Variants in EGFL7 observed in about 807,000 individuals in gnomAD.
The protein encoded by EGFL7 is epidermal growth factor-like protein 7.
In EGFL7, 48 loss-of-function variants were observed where a neutral mutation model predicts 37.1. That is an observed-to-expected ratio of 1.29 (90% CI 1.03 to 1.65). EGFL7 has a LOEUF of 1.65. EGFL7 is among the 40% of genes most tolerant of loss of function. The probability of loss-of-function intolerance (pLI) is 0.00; values close to 1 mark genes in which losing one functional copy is unlikely to be tolerated. For missense variants in EGFL7, 384 were observed against 378.9 expected (o/e 1.01, Z -0.11); for synonymous variants, 180 against 156.8 (o/e 1.15, Z -1.10).
upstream of EGFL7, among the ~76,000 whole-genome samples, chr9:136,661,409 G>T (rs898675023): frequency 6.6e-6 from 1 of 152,158 alleles, no homozygotes; most frequent in Non-Finnish European, 1.5e-5. Context: ...GTAAGGGCCA[G>T]ATCCCAGGGT....
Position 136,669,539 on chromosome 9 carries a change from C to T in EGFL7, c.198-67C>T, listed in dbSNP as rs1457420093. On this transcript the variant is annotated intron_variant, in intron 5 of 10. Coordinates refer to ENST00000308874, the MANE Select transcript of EGFL7 (RefSeq NM_016215.5). ...ACCCTGTGCACTCTGAGAGGGGACT[C>T]TAGATGCCCAGCAGGTGACTAAGGG... 9.8e-6 allele frequency: 12 copies of T among 1,218,836 alleles called. No homozygotes were observed. The African/African-American group carries it at 1.3e-4, about 14-fold the overall frequency. The allele number at this position is 1,218,836 out of a possible 1,614,324, so 75.5% of individuals were successfully genotyped here. A position where few individuals can be genotyped will look rare whatever the true frequency, so the allele number is the denominator to read the frequency against.
Position 136,668,572 on chromosome 9 carries a change from T to C in EGFL7, c.96T>C (p.Ala32=), listed in dbSNP as rs766407929. ...HAYRPGRRVC[A]VRAHGDPVSE... ...ACCCCCGCAGCCGTAGGGTGTGTGC[T>C]GTCCGGGCTCACGGGGACCCTGTCT... Residue 32 remains alanine (A), a synonymous_variant, in exon 5 of 11, where the codon GCT becomes GCC. Coordinates refer to ENST00000308874, the MANE Select transcript of EGFL7 (RefSeq NM_016215.5). 1.9e-6 allele frequency: 3 copies of C among 1,609,098 alleles called. No individual in the cohort carries two copies. In the Admixed American group the frequency reaches 5.0e-5, roughly 27 times the overall value.
chr9:136,672,100 C>T lies in EGFL7; in HGVS notation c.799+12C>T, dbSNP rs1246968455. On this transcript the variant is annotated intron_variant, in intron 10 of 10. Transcript: ENST00000308874. The stretch of plus-strand genomic sequence containing the variant: ...GCAGCTGGGGTCCTGTGAGTGCCCC[C>T]ACCCTCCAGAGCCCTCCTCCCGGGT... The T allele has an allele frequency of 1.9e-6, 3 of 1,548,054 alleles. No individual in the cohort carries two copies. The highest frequency in any genetic ancestry group is 2.0e-5 in the Admixed American group (1 of 51,158).
chr9:136,659,739 C>G (rs13286733), upstream of EGFL7: 1 of 152,370 alleles, frequency 6.6e-6, no homozygotes, highest in African/African-American at 2.4e-5. Context: ...GAAACTGAGG[C>G]CTGTGTGGGG....
At chr9:136,668,701 C>T in intron 5 of EGFL7, 28 bp downstream of exon 5, 1 of 1,563,620 alleles carries the variant, frequency 6.4e-7, no homozygotes, top group Non-Finnish European at 8.7e-7. Context: ...CCGAGCTCAC[C>T]CAGCCCCAGC....
chr9:136,659,364 A>T (rs1014755527), upstream of EGFL7: 1 of 151,768 alleles, frequency 6.6e-6, no homozygotes, highest in Non-Finnish European at 1.5e-5. Flanking sequence ...CTCGGGGTAA[A>T]CAGGAAGCCC....
In EGFL7 at chr9:136,668,811, T is replaced by C. The variant is rs143832453; in HGVS notation, c.197+138T>C. 8.0e-4 allele frequency: 650 copies of C among 814,450 alleles called. 4 individuals are homozygous for C. In the African/African-American group the frequency reaches 9.8e-3, roughly 12 times the overall value. The allele number at this position is 814,450 out of a possible 1,614,324, so 50.5% of individuals were successfully genotyped here. A position where few individuals can be genotyped will look rare whatever the true frequency, so the allele number is the denominator to read the frequency against. ...AGGCCAGAGCCATGAGAGGGCTGCC[T>C]GAGATGGGCGACCCAGGGCGGCCGG... is the stretch of plus-strand genomic sequence containing the variant. On this transcript the variant is annotated intron_variant, in intron 5 of 10. Transcript: ENST00000308874.
In EGFL7 at chr9:136,668,298, G is replaced by A; in HGVS notation, c.16G>A (p.Glu6Lys). The A allele has an allele frequency of 6.2e-7, 1 of 1,607,656 alleles. No homozygotes were observed. Among genetic ancestry groups the A allele is most frequent in the Non-Finnish European group, 8.5e-7 (1 of 1,177,664 alleles). ...GGCACAGGCCATGAGGGGCTCTCAGGAGGTGCTGCTGATGTGGCTTCTGGT... is the reference window on the plus strand; with the variant it reads ...GGCACAGGCCATGAGGGGCTCTCAGAAGGTGCTGCTGATGTGGCTTCTGGT... MRGSQ[E>K]VLLMWLLVLA... The change falls in exon 4 of 11, where the codon GAG becomes AAG. Residue 6 changes from glutamate (E) to lysine (K), a missense_variant. Physicochemically the swap from Glu to Lys is moderately conservative, Grantham distance 56 (BLOSUM62 1). Coordinates refer to ENST00000308874, the MANE Select transcript of EGFL7 (RefSeq NM_016215.5).
upstream of EGFL7, among the ~76,000 whole-genome samples, chr9:136,661,319 G>C (rs1845132274): frequency 6.6e-6 from 1 of 152,148 alleles, no homozygotes; most frequent in African/African-American, 2.4e-5. Flanking sequence ...GGACAGGCTG[G>C]CCAGGGCAGG....
chr9:136,668,093 GGA>G, intron 3 of EGFL7, 146 bp from the exon 4 acceptor site: 1 of 573,364 alleles, frequency 1.7e-6, no homozygotes, highest in Non-Finnish European at 3.1e-6. Context: ...GGCCAGCGGA[GGA>G]GAGAGTGGGC....
upstream of EGFL7, chr9:136,660,491 G>C (rs2119059363): frequency 6.6e-6 from 1 of 152,564 alleles, no homozygotes; most frequent in South Asian, 2.1e-4. Flanking sequence ...GAGCTTATCA[G>C]GAGGGGGTTG....
upstream of EGFL7, chr9:136,658,966 C>T (rs932503297): frequency 6.6e-6 from 1 of 151,106 alleles, no homozygotes; most frequent in South Asian, 2.2e-4. Context: ...CGGGAGCGGC[C>T]AGGGGAAGGG....
chr9:136,663,173 CCCGCTGA>C (rs1215759158), intron 1 of EGFL7, 65 bp downstream of exon 1: 4 of 152,664 alleles, frequency 2.6e-5, no homozygotes, highest in African/African-American at 7.2e-5. Context: ...TCCCCTCACT[CCCGCTGA>C]CCGTGGCGCC....
intron 8 of EGFL7, 49 bp from the exon 9 acceptor site, chr9:136,670,901 T>TG (rs1222554030): frequency 1.3e-6 from 2 of 1,488,858 alleles, no homozygotes; most frequent in Non-Finnish European, 1.8e-6. Flanking sequence ...CCTGGGGGTG[T>TG]GGGTGGGGAG....
chr9:136,672,242 C>T (rs1464999476), intron 10 of EGFL7, 22 bp from the exon 11 acceptor site: 4 of 1,613,400 alleles, frequency 2.5e-6, no homozygotes, highest in South Asian at 1.1e-5. Context: ...TGATCTCTGA[C>T]CTTCGCCTCA....
chr9:136,668,223 T>C lies in EGFL7; in HGVS notation c.-42-18T>C. The stretch of plus-strand genomic sequence containing the variant: ...GGGCATCTGCGGGGAGACTTAGGGG[T>C]CATGCTTTGTGCCCCAGGCCACCCA... On this transcript the variant is annotated intron_variant, in intron 3 of 10. Transcript: ENST00000308874. 2 of 1,464,352 alleles carry C rather than the reference T, an allele frequency of 1.4e-6. No homozygotes were observed. Among genetic ancestry groups the C allele is most frequent in the Non-Finnish European group, 1.9e-6 (2 of 1,071,642 alleles). The allele number at this position is 1,464,352 out of a possible 1,614,324, so 90.7% of individuals were successfully genotyped here.
At chr9:136,670,099 G>C (rs1242555871) in intron 7 of EGFL7, 70 bp from the exon 8 acceptor site, 2 of 1,608,436 alleles carry the variant, frequency 1.2e-6, no homozygotes, top group East Asian at 2.2e-5. Context: ...TGAGTGGGTG[G>C]TTGTGAAGGG....
intron 2 of EGFL7, among the ~76,000 whole-genome samples, chr9:136,663,842 T>G (rs1479673164): frequency 6.6e-6 from 1 of 152,102 alleles, no homozygotes; most frequent in African/African-American, 2.4e-5. Flanking sequence ...GAAGCCTGTC[T>G]GAGAACCCCC....
chr9:136,667,646 C>T (rs1845558852), intron 3 of EGFL7, among the ~76,000 whole-genome samples: 1 of 152,202 alleles, frequency 6.6e-6, no homozygotes, highest in Non-Finnish European at 1.5e-5. Flanking sequence ...GGGAAGGACC[C>T]CCTCTAAAAT....
Sources: gnomAD v4.1 joint callset for allele counts (sites outside exome capture counted in the v4.1 genomes callset) on GRCh38, gnomAD v4.1.1 for gene constraint, MANE v1.5 for transcripts, NCBI Gene and HGNC (gene_info 2026-07-23, HGNC 2026-07-21) for gene names.